The following OLFML2B variants were observed in gnomAD, a reference collection of about 807,000 sequenced individuals.
OLFML2B encodes the protein olfactomedin-like protein 2B.
Under a neutral mutation model 74.9 loss-of-function variants are expected in OLFML2B, and 57 were observed. That is an observed-to-expected ratio of 0.76 (90% CI 0.61 to 0.95). The LOEUF is 0.95. Ranked by LOEUF, OLFML2B falls within the 40% of genes least tolerant of loss-of-function variation. The pLI, the probability that OLFML2B is intolerant of heterozygous loss-of-function variation, is 0.00. For synonymous variants in OLFML2B, 388 were observed against 405.8 expected (o/e 0.96, Z 0.53); for missense variants, 986 against 970.6 (o/e 1.02, Z -0.21).
chr1:161,999,186 TAGAG>T (rs1690015243), intron 5 of OLFML2B, among the ~76,000 whole-genome samples: 1 of 152,136 alleles, frequency 6.6e-6, no homozygotes, highest in Admixed American at 6.5e-5. Flanking sequence ...AAACATTTCT[TAGAG>T]AGGACACAAA....
At chr1:161,995,399 G>A (rs1449218377) in intron 6 of OLFML2B, among the ~76,000 whole-genome samples, 1 of 152,200 alleles carries the variant, frequency 6.6e-6, no homozygotes, top group African/African-American at 2.4e-5. Context: ...GCATGATGAT[G>A]CTATTCTAGT....
rs757392577 is a variant in OLFML2B, at chr1:161,984,882, C to G, written c.1573G>C (p.Asp525His). 2 of 1,612,340 alleles carry G rather than the reference C, an allele frequency of 1.2e-6. No individual in the cohort carries two copies. Among genetic ancestry groups the G allele is most frequent in the South Asian group, 2.2e-5 (2 of 90,964 alleles). The change falls in exon 7 of 8, where the codon GAT (aspartate) becomes CAT (histidine). Residue 525 changes from aspartate to histidine, a missense_variant. By Grantham distance (81) the Asp-to-His change is moderately conservative (BLOSUM62 -1). Transcript: ENST00000294794. ...TAGTTGGTTACGTAAATCCGCTCAT[C>G]CTTGGCCAGGGGGTCCTTCATCCAG... ...GAWMKDPLAK[D>H]ERIYVTNYYY...
intron 5 of OLFML2B, among the ~76,000 whole-genome samples, chr1:161,999,585 A>AGAG (rs1181437864): frequency 2.6e-5 from 4 of 152,026 alleles, no homozygotes; most frequent in East Asian, 1.9e-4. Context: ...AAAGAAGACA[A>AGAG]GAGGAGGAGG....
chr1:161,994,432 C>T (rs1212934864), intron 6 of OLFML2B, among the ~76,000 whole-genome samples: 1 of 152,230 alleles, frequency 6.6e-6, no homozygotes. Flanking sequence ...CAAATAGGAG[C>T]CAGGCTCTCT....
At chr1:161,993,691 C>T (rs6680535) in intron 6 of OLFML2B, among the ~76,000 whole-genome samples, 156 of 152,358 alleles carry the variant, frequency 1.0e-3, no homozygotes, top group African/African-American at 3.7e-3. Context: ...ACCTGGGCTG[C>T]CTTCCATTCC....
chr1:161,986,497 G>A (rs1169483416), intron 6 of OLFML2B, among the ~76,000 whole-genome samples: 5 of 152,214 alleles, frequency 3.3e-5, no homozygotes, highest in Non-Finnish European at 7.3e-5. Flanking sequence ...GCAGGGTTTA[G>A]GCAGCTCAGT....
chr1:162,008,579 G>A (rs1472508580), intron 3 of OLFML2B, among the ~76,000 whole-genome samples: 2 of 152,196 alleles, frequency 1.3e-5, no homozygotes, highest in Admixed American at 6.5e-5. Context: ...GATATGCATA[G>A]ATGCTGAGAA....
At chr1:161,986,034 C>T (rs956598265) in intron 6 of OLFML2B, among the ~76,000 whole-genome samples, 10 of 152,204 alleles carry the variant, frequency 6.6e-5, no homozygotes, top group Non-Finnish European at 1.5e-4. Flanking sequence ...GGCATGTGCT[C>T]TTCCTGTCCT....
intron 6 of OLFML2B, among the ~76,000 whole-genome samples, chr1:161,993,066 A>G (rs2101951792): frequency 6.6e-6 from 1 of 152,304 alleles, no homozygotes; most frequent in Non-Finnish European, 1.5e-5. Context: ...GCAAATAAAA[A>G]ACACCATAAG....
In OLFML2B at chr1:161,988,168, C is replaced by T. The variant is rs921590044; in HGVS notation, c.1475-3188G>A. ...AGGGCTGCCAAGGATGCCGGTGACA[C>T]TGACATTTACTACGCACTTTCTATG... On this transcript the variant is annotated intron_variant, in intron 6 of 7. Transcript: ENST00000294794. Among the ~76,000 whole-genome samples, 5 of 152,326 alleles carry T rather than the reference C, an allele frequency of 3.3e-5. No homozygotes were observed. The East Asian group carries it at 9.6e-4, about 29-fold the overall frequency.
Position 162,020,104 on chromosome 1 carries a change from C to T in OLFML2B, c.253G>A (p.Gly85Ser). 5.0e-6 allele frequency: 8 copies of T among 1,614,162 alleles called. No homozygotes were observed. The South Asian group carries it at 7.7e-5, about 16-fold the overall frequency. The change falls in exon 2 of 8, where the codon GGC becomes AGC. Residue 85 changes from glycine (G) to serine (S), a missense_variant. Coordinates refer to ENST00000294794, the MANE Select transcript of OLFML2B (RefSeq NM_015441.3). ...CQCKCVVRPL[G>S]RDACQRINAG... ...TTGATCCTCTGGCAGGCATCCCGGC[C>T]CAGGGGTCTCACCACACACTTGCAC...
intron 3 of OLFML2B, among the ~76,000 whole-genome samples, chr1:162,012,622 C>G (rs1018532830): frequency 1.3e-5 from 2 of 152,120 alleles, no homozygotes; most frequent in East Asian, 3.9e-4. Context: ...CAGGTAGATT[C>G]GTGAAAAAGG....
At position 162,023,413 on chromosome 1, in the gene OLFML2B, C is replaced by A; in HGVS notation, c.18G>T (p.Leu6=). MAKPR[L]LVLYFALIVV... is the part of the protein sequence containing the mutation. ...CAATCAGAGCGAAGTAGAGAACTAG[C>A]AGCCGAGGCTTGGCCATGAGGGGCG... The change falls in exon 1 of 8, where the codon CTG becomes CTT. Residue 6 remains leucine, a synonymous_variant. Coordinates refer to ENST00000294794, the MANE Select transcript of OLFML2B (RefSeq NM_015441.3). 1 of 1,574,904 alleles carries A rather than the reference C, an allele frequency of 6.3e-7. No individual in the cohort carries two copies.
chr1:161,996,544 G>A (rs1203333427), intron 6 of OLFML2B, among the ~76,000 whole-genome samples: 1 of 152,196 alleles, frequency 6.6e-6, no homozygotes, highest in Admixed American at 6.5e-5. Context: ...TATAAGGCAG[G>A]CCAAATCTTC....
At chr1:161,990,714 G>A (rs1202629017) in intron 6 of OLFML2B, among the ~76,000 whole-genome samples, 1 of 152,162 alleles carries the variant, frequency 6.6e-6, no homozygotes, top group East Asian at 1.9e-4. Flanking sequence ...GAAGTTTGCT[G>A]CATCAATTGA....
intron 3 of OLFML2B, 107 bp downstream of exon 3, chr1:162,017,293 G>T (rs1488099261): frequency 3.9e-6 from 3 of 769,624 alleles, no homozygotes; most frequent in Non-Finnish European, 6.7e-6. Context: ...GAATAGGATG[G>T]GTTAAGTCTA....
At chr1:162,018,673 T>C (rs1558069126) in intron 2 of OLFML2B, among the ~76,000 whole-genome samples, 1 of 152,180 alleles carries the variant, frequency 6.6e-6, no homozygotes, top group Non-Finnish European at 1.5e-5. Flanking sequence ...ACTGAGGGCA[T>C]GCAGACTGCA....
chr1:162,023,495 G>C lies in OLFML2B; in HGVS notation c.-65C>G. The C allele has an allele frequency of 1.5e-6, 2 of 1,377,462 alleles. No homozygotes were observed. The highest frequency in any genetic ancestry group is 1.9e-6 in the Non-Finnish European group (2 of 1,051,352). 85.3% of individuals were successfully genotyped at this position (1,377,462 alleles called of 1,614,324 possible). Reference sequence around the variant, plus strand: ...TGGCTGGGGCGGGGGGTCTCGGCAAGGACTTCTGCGAGAGGGTGTCCTCGC... The same window carrying C: ...TGGCTGGGGCGGGGGGTCTCGGCAACGACTTCTGCGAGAGGGTGTCCTCGC... On this transcript the variant is annotated 5_prime_UTR_variant, in exon 1 of 8. Transcript: ENST00000294794.
chr1:161,993,061 TA>T (rs1357339829), intron 6 of OLFML2B, among the ~76,000 whole-genome samples: 1 of 151,802 alleles, frequency 6.6e-6, no homozygotes. Flanking sequence ...GAACAGCAAA[TA>T]AAAAACACCA....
Sources: allele counts gnomAD v4.1 joint callset (sites outside exome capture counted in the v4.1 genomes callset), GRCh38; gene constraint gnomAD v4.1.1; transcripts MANE v1.5; gene names NCBI Gene and HGNC (gene_info 2026-07-23, HGNC 2026-07-21).